The following ADARB2 variants were observed in gnomAD, a reference collection of about 807,000 sequenced individuals.
ADARB2 encodes inactive double-stranded RNA-specific editase B2.
ADARB2 carries 25 observed loss-of-function variants against 62.2 expected under a neutral mutation model. The observed-to-expected ratio is 0.40, with a 90% CI of 0.29 to 0.56. ADARB2 has a LOEUF of 0.56. ADARB2 is among the 20% of genes least tolerant of loss of function. The probability of loss-of-function intolerance (pLI) is 0.43; values close to 1 mark genes in which losing one functional copy is unlikely to be tolerated. For missense variants in ADARB2, 1,071 were observed against 1,077.4 expected (o/e 0.99, Z 0.08); for synonymous variants, 572 against 500.8 (o/e 1.14, Z -1.90).
intron 1 of ADARB2, among the ~76,000 whole-genome samples, chr10:1,687,810 C>CGG (rs550232061): frequency 6.6e-6 from 1 of 151,832 alleles, no homozygotes. Context: ...CCTTGCTGGC[C>CGG]GGGGGGGAAA....
chr10:1,515,804 C>T (rs1448698073), intron 1 of ADARB2, among the ~76,000 whole-genome samples: 1 of 152,250 alleles, frequency 6.6e-6, no homozygotes, highest in Non-Finnish European at 1.5e-5. Flanking sequence ...CTGGCACCTG[C>T]AGCAATGATG....
At chr10:1,356,062 T>G (rs1832192254) in intron 3 of ADARB2, among the ~76,000 whole-genome samples, 1 of 150,644 alleles carries the variant, frequency 6.6e-6, no homozygotes, top group African/African-American at 2.5e-5. Context: ...TTCTGAAAGT[T>G]TTTTTTTCCA....
At chr10:1,603,590 G>A (rs1314472805) in intron 1 of ADARB2, among the ~76,000 whole-genome samples, 6 of 151,962 alleles carry the variant, frequency 3.9e-5, no homozygotes, top group Admixed American at 1.3e-4. Context: ...GTGCCATGGA[G>A]GTTCTCTCTA....
chr10:1,716,186 C>T (rs1835014937), intron 1 of ADARB2, among the ~76,000 whole-genome samples: 1 of 152,234 alleles, frequency 6.6e-6, no homozygotes. Flanking sequence ...CCTGTACATT[C>T]CATCACGACT....
rs193260348 is a variant in ADARB2, at chr10:1,245,005, A to G, written c.1193-2706T>C. On this transcript the variant is annotated intron_variant, in intron 4 of 9. Transcript: ENST00000381312. ...ACCCTGAAGATCTAGCTCTTCACCA[A>G]TAGACAATGGGAGCTGTGAAAGGGT... Among the ~76,000 whole-genome samples the G allele has an allele frequency of 1.9e-3, 284 of 152,298 alleles. 4 individuals are homozygous for G. The highest frequency in any genetic ancestry group is 2.4e-4 in the Non-Finnish European group (16 of 68,028).
chr10:1,689,692 C>T (rs1015713789), intron 1 of ADARB2, among the ~76,000 whole-genome samples: 2 of 152,210 alleles, frequency 1.3e-5, no homozygotes, highest in African/African-American at 2.4e-5. Context: ...CCACAGCAGG[C>T]TTTTGCTCTC....
chr10:1,412,450 TTTATTA>T (rs907515162), intron 1 of ADARB2, among the ~76,000 whole-genome samples: 4 of 152,130 alleles, frequency 2.6e-5, no homozygotes, highest in East Asian at 1.9e-4. Context: ...AGGTTGTGAC[TTTATTA>T]TTATTATTAT....
intron 1 of ADARB2, among the ~76,000 whole-genome samples, chr10:1,711,059 G>A (rs1834944110): frequency 6.6e-6 from 1 of 152,122 alleles, no homozygotes; most frequent in African/African-American, 2.4e-5. Flanking sequence ...CTGAGGCCTG[G>A]CCCACCCCGA....
At chr10:1,378,292 G>T (rs1165662963) in intron 2 of ADARB2, among the ~76,000 whole-genome samples, 3 of 152,102 alleles carry the variant, frequency 2.0e-5, no homozygotes, top group Non-Finnish European at 4.4e-5. Flanking sequence ...AGTTTCATGT[G>T]CCAGAAATAT....
At chr10:1,657,433 G>A (rs961074138) in intron 1 of ADARB2, among the ~76,000 whole-genome samples, 2 of 152,194 alleles carry the variant, frequency 1.3e-5, no homozygotes, top group Non-Finnish European at 2.9e-5. Flanking sequence ...CGGTGAAAAT[G>A]TAACACTTTC....
At chr10:1,301,886 A>G (rs1831576628) in intron 3 of ADARB2, among the ~76,000 whole-genome samples, 1 of 152,180 alleles carries the variant, frequency 6.6e-6, no homozygotes. Context: ...CTCTATTATC[A>G]AAGTCCCCAC....
chr10:1,524,100 A>AGAT (rs1407259001), intron 1 of ADARB2, among the ~76,000 whole-genome samples: 1 of 151,360 alleles, frequency 6.6e-6, no homozygotes, highest in Non-Finnish European at 1.5e-5. Flanking sequence ...ATAGATAGAT[A>AGAT]GATTAGAGAG....
chr10:1,547,046 C>A (rs61831943), intron 1 of ADARB2, among the ~76,000 whole-genome samples: 1 of 152,070 alleles, frequency 6.6e-6, no homozygotes, highest in African/African-American at 2.4e-5. Context: ...TCGTCGAGAG[C>A]GGGACGCGGG....
At chr10:1,412,678 T>A (rs1303850899) in intron 1 of ADARB2, among the ~76,000 whole-genome samples, 2 of 151,602 alleles carry the variant, frequency 1.3e-5, no homozygotes, top group African/African-American at 4.9e-5. Flanking sequence ...ACGTAATGAG[T>A]CAATTTGTGG....
intron 1 of ADARB2, among the ~76,000 whole-genome samples, chr10:1,638,187 G>A (rs909007992): frequency 7.2e-5 from 11 of 152,204 alleles, no homozygotes; most frequent in African/African-American, 2.7e-4. Flanking sequence ...TTCCAGGAGA[G>A]ATGGAGGACA....
chr10:1,413,328 C>T (rs572021116), intron 1 of ADARB2, among the ~76,000 whole-genome samples: 1 of 152,128 alleles, frequency 6.6e-6, no homozygotes, highest in African/African-American at 2.4e-5. Flanking sequence ...GAAGGGGGTG[C>T]TCTGTGGTTA....
intron 6 of ADARB2, among the ~76,000 whole-genome samples, chr10:1,229,643 G>A (rs117648689): frequency 0.014 from 321 of 23,114 alleles, 7 homozygotes; most frequent in East Asian, 0.12. Flanking sequence ...CATCAGATAC[G>A]TGTCGTGTGC....
chr10:1,266,122 A>AGGTCCACGCTCTCCCGGAAGACAC (rs1403105168), intron 4 of ADARB2, among the ~76,000 whole-genome samples: 1 of 151,764 alleles, frequency 6.6e-6, no homozygotes, highest in Non-Finnish European at 1.5e-5. Context: ...GGCCTGAGCC[A>AGGTCCACGCTCTCCCGGAAGACAC]GGTCCACGCT....
At chr10:1,478,055 T>TGG (rs1831424128) in intron 1 of ADARB2, among the ~76,000 whole-genome samples, 1 of 152,206 alleles carries the variant, frequency 6.6e-6, no homozygotes, top group Non-Finnish European at 1.5e-5. Context: ...GAGCCTTTAC[T>TGG]GAGCTGTGAG....
Sources: gnomAD v4.1 joint callset for allele counts (sites outside exome capture counted in the v4.1 genomes callset) on GRCh38, gnomAD v4.1.1 for gene constraint, MANE v1.5 for transcripts, NCBI Gene and HGNC (gene_info 2026-07-23, HGNC 2026-07-21) for gene names.